NEK6: variants seen among roughly 807,000 people sequenced by gnomAD.
NEK6 encodes NIMA related kinase 6, also known as serine/threonine-protein kinase Nek6.
NEK6 carries 27 observed loss-of-function variants against 43.5 expected under a neutral mutation model. The ratio of observed to expected loss-of-function variants is 0.62; its 90% CI spans 0.46 to 0.86. The LOEUF (loss-of-function observed/expected upper bound fraction) is 0.86, where lower values mean the gene tolerates loss of function less well. Among genes scored for constraint, NEK6 ranks in the 40% least tolerant of loss-of-function variants. The pLI is 0.00. For missense variants in NEK6, 318 were observed against 414.4 expected, an observed-to-expected ratio of 0.77 and a Z score of 2.02; for synonymous variants, 167 against 164.1, an observed-to-expected ratio of 1.02 and a Z score of -0.14.
chr9:124,333,808 C>T (rs374887498), intron 7 of NEK6, among the ~76,000 whole-genome samples: 10 of 112,670 alleles, frequency 8.9e-5, no homozygotes, highest in African/African-American at 2.7e-4. Flanking sequence ...GACTGAATTT[C>T]GCTCTGTTGC....
chr9:124,283,317 G>A (rs955049513), intron 1 of NEK6, among the ~76,000 whole-genome samples: 3 of 152,210 alleles, frequency 2.0e-5, no homozygotes, highest in Admixed American at 6.5e-5. Flanking sequence ...CTCCTGCGAC[G>A]GAGCCTCAGT....
At chr9:124,347,277 G>A (rs868493766) in intron 8 of NEK6, among the ~76,000 whole-genome samples, 15 of 152,348 alleles carry the variant, frequency 9.8e-5, no homozygotes, top group Middle Eastern at 6.8e-3. Flanking sequence ...CAGTCCATAG[G>A]TAAGGAAAGC....
At chr9:124,345,552 C>G (rs1829875753) in intron 8 of NEK6, among the ~76,000 whole-genome samples, 1 of 152,196 alleles carries the variant, frequency 6.6e-6, no homozygotes, top group African/African-American at 2.4e-5. Flanking sequence ...CCTCAGCGTT[C>G]TGGGGCCTTT....
At chr9:124,312,721 G>A (rs1284680481) in intron 3 of NEK6, 72 bp downstream of exon 3, 7 of 1,497,022 alleles carry the variant, frequency 4.7e-6, no homozygotes, top group Admixed American at 3.8e-5. Flanking sequence ...GGGTGCCCGG[G>A]CCAGTCCCTT....
chr9:124,265,005 C>T (rs1188717076), intron 1 of NEK6, among the ~76,000 whole-genome samples: 1 of 151,932 alleles, frequency 6.6e-6, no homozygotes, highest in East Asian at 1.9e-4. Context: ...ATGAAGTAGC[C>T]AGAATAGATA....
chr9:124,294,144 T>TC (rs1383522007), intron 1 of NEK6, among the ~76,000 whole-genome samples: 2 of 152,218 alleles, frequency 1.3e-5, no homozygotes, highest in African/African-American at 4.8e-5. Flanking sequence ...GGTGGGAGGA[T>TC]CACCTGAGGT....
At chr9:124,278,354 A>G (rs1831733625) in intron 1 of NEK6, among the ~76,000 whole-genome samples, 1 of 152,006 alleles carries the variant, frequency 6.6e-6, no homozygotes, top group Non-Finnish European at 1.5e-5. Context: ...GGTACTTTGT[A>G]GGCGTTGGGG....
chr9:124,311,926 G>C (rs903316952), intron 2 of NEK6, among the ~76,000 whole-genome samples: 1 of 152,132 alleles, frequency 6.6e-6, no homozygotes, highest in South Asian at 2.1e-4. Context: ...CTGACCTCTC[G>C]AACTCCCGCC....
intron 8 of NEK6, 46 bp from the exon 9 acceptor site, chr9:124,347,663 A>C: frequency 7.7e-7 from 1 of 1,293,626 alleles, no homozygotes. Flanking sequence ...AGTCCTTCTG[A>C]GCCTTGAGGC....
intron 2 of NEK6, among the ~76,000 whole-genome samples, chr9:124,302,668 G>A (rs375856244): frequency 4.6e-5 from 7 of 152,318 alleles, no homozygotes; most frequent in South Asian, 2.1e-4. Context: ...GGCCTGGCAC[G>A]CCCTCTCTGA....
At chr9:124,272,686 C>T (rs557200332) in intron 1 of NEK6, among the ~76,000 whole-genome samples, 6 of 152,252 alleles carry the variant, frequency 3.9e-5, no homozygotes, top group East Asian at 1.9e-4. Flanking sequence ...CTCCCCCTAA[C>T]GCTGCTGGTC....
chr9:124,344,158 C>T (rs908814781), intron 8 of NEK6, among the ~76,000 whole-genome samples: 5 of 152,226 alleles, frequency 3.3e-5, no homozygotes, highest in Non-Finnish European at 5.9e-5. Context: ...GTGCCCTTCT[C>T]TCTCGGGCTC....
chr9:124,319,567 T>C (rs545895980), intron 4 of NEK6, among the ~76,000 whole-genome samples: 18 of 152,272 alleles, frequency 1.2e-4, no homozygotes, highest in Non-Finnish European at 1.9e-4. Context: ...GGTTTTCTTC[T>C]AGGATTTTTA....
chr9:124,343,371 G>A lies in NEK6; in HGVS notation c.717+3706G>A, dbSNP rs1829753435. Among the ~76,000 whole-genome samples the A allele has an allele frequency of 1.3e-5, 2 of 152,066 alleles. No individual in the cohort carries two copies. The highest frequency in any genetic ancestry group is 4.1e-4 in the South Asian group (2 of 4,826). Reference sequence around the variant, plus strand: ...TACCAGTCAGCAGTAGGAAGTGAATGAAACACAGCAGTCAAGCCCTGAGGG... The same window carrying A: ...TACCAGTCAGCAGTAGGAAGTGAATAAAACACAGCAGTCAAGCCCTGAGGG... On this transcript the variant is annotated intron_variant, in intron 8 of 9. Transcript: ENST00000320246. This position sits in a 1 kb window ranked among gnomAD's most constrained non-coding sequence, Gnocchi z 5.1.
intron 1 of NEK6, among the ~76,000 whole-genome samples, chr9:124,272,567 C>T (rs941014925): frequency 3.3e-5 from 5 of 152,236 alleles, no homozygotes; most frequent in Non-Finnish European, 1.5e-5. Flanking sequence ...TCCCAGCGTC[C>T]TGGGAAGGCC....
At chr9:124,314,230 C>G (rs575906452) in intron 4 of NEK6, among the ~76,000 whole-genome samples, 1 of 152,078 alleles carries the variant, frequency 6.6e-6, no homozygotes, top group East Asian at 1.9e-4. Context: ...CCTTGCTGCA[C>G]GCCCCTCCTG....
intron 1 of NEK6, among the ~76,000 whole-genome samples, chr9:124,260,730 T>C (rs1011539929): frequency 6.6e-6 from 1 of 152,338 alleles, no homozygotes; most frequent in East Asian, 1.9e-4. Context: ...ATATACTGTG[T>C]GCTAGGTCTG....
At chr9:124,292,512 G>A (rs1403835848) in intron 1 of NEK6, 1 of 1,537,072 alleles carries the variant, frequency 6.5e-7, no homozygotes. Context: ...CACTGGATGG[G>A]ATTCTAGATG....
chr9:124,296,450 G>A (rs1832692915), intron 1 of NEK6, among the ~76,000 whole-genome samples: 2 of 152,168 alleles, frequency 1.3e-5, no homozygotes, highest in Admixed American at 6.5e-5. Flanking sequence ...GTCAGTCTGG[G>A]AGCCACAACT....
Sources: gnomAD v4.1 joint callset for allele counts (sites outside exome capture counted in the v4.1 genomes callset) on GRCh38, gnomAD v4.1.1 for gene constraint, Gnocchi (gnomAD v3.1) non-coding constraint, MANE v1.5 for transcripts, NCBI Gene and HGNC (gene_info 2026-07-23, HGNC 2026-07-21) for gene names.